The following PRKN variants were observed in gnomAD, a reference collection of about 807,000 sequenced individuals.
The protein encoded by PRKN is E3 ubiquitin-protein ligase parkin.
Under a neutral mutation model 59.5 loss-of-function variants are expected in PRKN, and 56 were observed. The ratio of observed to expected loss-of-function variants is 0.94; its 90% CI spans 0.76 to 1.18. The LOEUF is 1.18. PRKN is among the 50% of genes most tolerant of loss of function. The pLI is 0.00. For synonymous variants in PRKN, 250 were observed against 222.1 expected (o/e 1.13, Z -1.12); for missense variants, 657 against 596.4 (o/e 1.10, Z -1.06).
At chr6:162,130,397 C>G (rs1781303271) in intron 4 of PRKN, among the ~76,000 whole-genome samples, 1 of 152,116 alleles carries the variant, frequency 6.6e-6, no homozygotes, top group Non-Finnish European at 1.5e-5. Context: ...TATACACACA[C>G]ACACACACGG....
chr6:161,418,919 T>C (rs1346733507), intron 9 of PRKN, among the ~76,000 whole-genome samples: 1 of 151,842 alleles, frequency 6.6e-6, no homozygotes, highest in Non-Finnish European at 1.5e-5. Flanking sequence ...GGCGGTGGAG[T>C]TTTCTAGCGT....
intron 7 of PRKN, among the ~76,000 whole-genome samples, chr6:161,715,174 C>T (rs531188422): frequency 8.1e-4 from 123 of 152,280 alleles, no homozygotes; most frequent in African/African-American, 2.8e-3. Context: ...TTCCTGGAGG[C>T]GGAGTAGCTC....
chr6:161,711,831 G>T (rs569872184), intron 7 of PRKN, among the ~76,000 whole-genome samples: 1 of 152,110 alleles, frequency 6.6e-6, no homozygotes, highest in African/African-American at 2.4e-5. Context: ...CAAACATCAG[G>T]CTCCTAGTTC....
intron 2 of PRKN, among the ~76,000 whole-genome samples, chr6:162,293,995 T>C (rs1781551701): frequency 6.6e-6 from 1 of 151,944 alleles, no homozygotes; most frequent in Non-Finnish European, 1.5e-5. Context: ...GTCTTAGGGC[T>C]TAGACATGAG....
chr6:161,377,908 A>C lies in PRKN; in HGVS notation c.1167+8886T>G, dbSNP rs142941628. 6.2e-4 allele frequency among the ~76,000 whole-genome samples: 95 copies of C among 152,226 alleles called. No individual in the cohort carries two copies. The highest frequency in any genetic ancestry group is 2.2e-3 in the African/African-American group (93 of 41,526). On this transcript the variant is annotated intron_variant, in intron 10 of 11. Transcript: ENST00000366898. The surrounding 1 kb of genome is among the most constrained non-coding windows in gnomAD (Gnocchi z 4.2). The stretch of plus-strand genomic sequence containing the variant: ...TTGACTTCTGAGCCTCCAGAACTGG[A>C]AGGAATAAATGTGTGTTGTTTATAA...
At position 161,371,235 on chromosome 6, in the gene PRKN, G is replaced by T. The variant is rs750119341; in HGVS notation, c.1168-11030C>A. ...GCTGGAGTGCAATGGTGAAATCTCC[G>T]CTCACTGCAACCTCCACCTCCTGGG... On this transcript the variant is annotated intron_variant, in intron 10 of 11. Transcript: ENST00000366898. This position sits in a 1 kb window ranked among gnomAD's most constrained non-coding sequence, Gnocchi z 5.5. Among the ~76,000 whole-genome samples the T allele has an allele frequency of 3.3e-5, 5 of 151,604 alleles. No homozygotes were observed. The highest frequency in any genetic ancestry group is 1.2e-4 in the African/African-American group (5 of 41,222).
At chr6:162,119,012 T>C (rs1003497046) in intron 4 of PRKN, among the ~76,000 whole-genome samples, 11 of 152,194 alleles carry the variant, frequency 7.2e-5, no homozygotes, top group African/African-American at 2.2e-4. Context: ...GCCTATTGGT[T>C]ATGGAATAAG....
rs188636528 is a variant in PRKN at position 161,789,805 on chromosome 6, G to A, written c.735-3897C>T. Among the ~76,000 whole-genome samples, 10 of 152,190 alleles carry A rather than the reference G, an allele frequency of 6.6e-5. No individual in the cohort carries two copies. In the East Asian group the frequency reaches 1.4e-3, roughly 21 times the overall value. ...CAAATACAATGCTGAGCACCTGATC[G>A]TTTTGTAATCAAGAGTTATTGATTA... On this transcript the variant is annotated intron_variant, in intron 6 of 11. Transcript: ENST00000366898.
chr6:161,612,222 T>C (rs934265558), intron 7 of PRKN, among the ~76,000 whole-genome samples: 2 of 152,196 alleles, frequency 1.3e-5, no homozygotes, highest in Admixed American at 6.5e-5. Context: ...GCTAAGATCA[T>C]TGATGAAGGT....
chr6:161,827,171 C>A (rs1792280974), intron 6 of PRKN, among the ~76,000 whole-genome samples: 1 of 152,190 alleles, frequency 6.6e-6, no homozygotes. Context: ...TACAACACCA[C>A]ATTTCTTCCC....
chr6:161,925,016 G>GA (rs951168796), intron 6 of PRKN, among the ~76,000 whole-genome samples: 9 of 152,118 alleles, frequency 5.9e-5, no homozygotes, highest in Non-Finnish European at 5.9e-5. Context: ...GACTTGCTGG[G>GA]AAAAAAATAT....
At chr6:162,493,274 C>A (rs747232991) in intron 1 of PRKN, among the ~76,000 whole-genome samples, 8 of 152,158 alleles carry the variant, frequency 5.3e-5, no homozygotes, top group Non-Finnish European at 1.0e-4. Flanking sequence ...AAGGTGACTT[C>A]TCCCTTTATC....
chr6:162,488,335 C>T (rs1216713932), intron 1 of PRKN, among the ~76,000 whole-genome samples: 4 of 152,156 alleles, frequency 2.6e-5, no homozygotes, highest in Non-Finnish European at 5.9e-5. Context: ...CATTTTTACT[C>T]ATGTATGTCC....
chr6:161,522,119 G>A (rs1214491377), intron 9 of PRKN, among the ~76,000 whole-genome samples: 1 of 152,014 alleles, frequency 6.6e-6, no homozygotes, highest in Non-Finnish European at 1.5e-5. Context: ...AAGCCGAGTT[G>A]GTTTTCAACG....
At chr6:161,632,162 G>T (rs775918439) in intron 7 of PRKN, among the ~76,000 whole-genome samples, 5 of 152,116 alleles carry the variant, frequency 3.3e-5, no homozygotes, top group Non-Finnish European at 5.9e-5. Flanking sequence ...TGGCAGAGAG[G>T]TCTTATTTAT....
intron 3 of PRKN, among the ~76,000 whole-genome samples, chr6:162,213,123 G>A (rs1168277542): frequency 6.6e-6 from 1 of 152,104 alleles, no homozygotes; most frequent in Non-Finnish European, 1.5e-5. Context: ...CTTTAATCTT[G>A]TCTGCAAAAA....
rs147699765 is a variant in PRKN, at chr6:161,789,969, T to C, written c.735-4061A>G. Among the ~76,000 whole-genome samples, 24 of 152,290 alleles carry C rather than the reference T, an allele frequency of 1.6e-4. No individual in the cohort carries two copies. In the East Asian group the frequency reaches 4.6e-3, roughly 29 times the overall value. ...CTAAAGTAGGCACTTAGTAAATGCA[T>C]GTGGACTACAGCACCCAGTGAGTGG... On this transcript the variant is annotated intron_variant, in intron 6 of 11. Coordinates refer to ENST00000366898, the MANE Select transcript of PRKN (RefSeq NM_004562.3).
At chr6:162,203,714 T>C (rs1353918720) in intron 3 of PRKN, among the ~76,000 whole-genome samples, 1 of 152,176 alleles carries the variant, frequency 6.6e-6, no homozygotes, top group Non-Finnish European at 1.5e-5. Context: ...AAACCTTTCT[T>C]GTGGTATGTA....
chr6:161,712,292 T>G (rs1298044379), intron 7 of PRKN, among the ~76,000 whole-genome samples: 1 of 152,120 alleles, frequency 6.6e-6, no homozygotes, highest in Non-Finnish European at 1.5e-5. Context: ...TATTAGCAAA[T>G]AGGTTATTCT....
Sources: gnomAD v4.1 joint callset for allele counts (sites outside exome capture counted in the v4.1 genomes callset) on GRCh38, gnomAD v4.1.1 for gene constraint, Gnocchi (gnomAD v3.1) non-coding constraint, MANE v1.5 for transcripts, NCBI Gene and HGNC (gene_info 2026-07-23, HGNC 2026-07-21) for gene names.